The following HHIP variants were observed in gnomAD, a reference collection of about 807,000 sequenced individuals.
HHIP encodes the protein hedgehog interacting protein, also known as hedgehog-interacting protein.
HHIP carries 12 observed loss-of-function variants against 74.0 expected under a neutral mutation model. That is an observed-to-expected ratio of 0.16 (90% CI 0.10 to 0.26). The LOEUF (loss-of-function observed/expected upper bound fraction) is 0.26, where lower values mean the gene tolerates loss of function less well. Ranked by LOEUF, HHIP falls within the 10% of genes least tolerant of loss-of-function variation. HHIP has a pLI of 1.00. For missense variants in HHIP, 788 were observed against 845.0 expected, an observed-to-expected ratio of 0.93 and a Z score of 0.84; for synonymous variants, 309 against 311.6, an observed-to-expected ratio of 0.99 and a Z score of 0.09.
intron 4 of HHIP, among the ~76,000 whole-genome samples, chr4:144,688,374 T>C (rs1407462062): frequency 6.6e-6 from 1 of 152,080 alleles, no homozygotes; most frequent in African/African-American, 2.4e-5. Flanking sequence ...GGTGCTTCTA[T>C]AGAATTAATT....
In HHIP at chr4:144,738,485, T is replaced by C; in HGVS notation, c.*528T>C. 3.1e-6 allele frequency: 3 copies of C among 982,814 alleles called. No individual in the cohort carries two copies. The highest frequency in any genetic ancestry group is 3.6e-6 in the Non-Finnish European group (3 of 827,182). 60.9% of individuals were successfully genotyped at this position (982,814 alleles called of 1,614,324 possible). A position where few individuals can be genotyped will look rare whatever the true frequency, so the allele number is the denominator to read the frequency against. ...TGATATAAAATTGTAATCTTCATTTTTGTCAGTGTATCCAGTTACAGAATG... is the reference window on the plus strand; with the variant it reads ...TGATATAAAATTGTAATCTTCATTTCTGTCAGTGTATCCAGTTACAGAATG... On this transcript the variant is annotated 3_prime_UTR_variant, in exon 13 of 13. Transcript: ENST00000296575.
intron 4 of HHIP, among the ~76,000 whole-genome samples, chr4:144,663,500 T>G (rs1280520840): frequency 6.6e-6 from 1 of 152,184 alleles, no homozygotes; most frequent in Non-Finnish European, 1.5e-5. Context: ...CCAAGTCCTA[T>G]TCCTGACTTA....
At chr4:144,737,346 C>T (rs1417752782) in intron 12 of HHIP, among the ~76,000 whole-genome samples, 1 of 152,146 alleles carries the variant, frequency 6.6e-6, no homozygotes, top group Admixed American at 6.5e-5. Context: ...GTTGCTTGAG[C>T]CTCTGTGTCT....
rs17019665 is a variant in HHIP, at chr4:144,723,907, A to C, written c.1760+4951A>C. Among the ~76,000 whole-genome samples, 1,101 of 152,272 alleles carry C rather than the reference A, an allele frequency of 7.2e-3. 19 individuals carry two copies. The highest frequency in any genetic ancestry group is 0.025 in the African/African-American group (1,056 of 41,556). On this transcript the variant is annotated intron_variant, in intron 11 of 12. Transcript: ENST00000296575. ...ACATTTTTGCTATCATCATTATTCT[A>C]TGTATCCAGTAACCAAAGATGAATA...
chr4:144,680,376 A>G lies in HHIP; in HGVS notation c.831+20538A>G, dbSNP rs1729301167. 2.6e-5 allele frequency among the ~76,000 whole-genome samples: 4 copies of G among 152,182 alleles called. No individual in the cohort carries two copies. The South Asian group carries it at 6.2e-4, about 24-fold the overall frequency. Reference sequence around the variant, plus strand: ...CCCTTGTCATGCTGTTCATTCTGCCATTCATTCAAATGATGGGAAGACATT... The same window carrying G: ...CCCTTGTCATGCTGTTCATTCTGCCGTTCATTCAAATGATGGGAAGACATT... On this transcript the variant is annotated intron_variant, in intron 4 of 12. Transcript: ENST00000296575.
At chr4:144,722,818 C>T (rs1730675462) in intron 11 of HHIP, among the ~76,000 whole-genome samples, 1 of 152,078 alleles carries the variant, frequency 6.6e-6, no homozygotes, top group South Asian at 2.1e-4. Context: ...CACACCACTG[C>T]ACACTGCAGC....
At chr4:144,737,711 G>T in intron 12 of HHIP, 53 bp from the exon 13 acceptor site, 2 of 1,478,050 alleles carry the variant, frequency 1.4e-6, no homozygotes, top group South Asian at 3.0e-5. Flanking sequence ...GCTCAGTCCT[G>T]TTTCTGACAT....
chr4:144,650,520 A>G (rs1728388408), intron 1 of HHIP: 1 of 152,128 alleles, frequency 6.6e-6, no homozygotes, highest in South Asian at 2.1e-4. Context: ...AAAGAGGAAG[A>G]AATTACCCTA....
chr4:144,686,622 T>C (rs1229964185), intron 4 of HHIP, among the ~76,000 whole-genome samples: 1 of 152,222 alleles, frequency 6.6e-6, no homozygotes, highest in Non-Finnish European at 1.5e-5. Flanking sequence ...AATTGCTCTC[T>C]GCTTATCCAA....
intron 4 of HHIP, among the ~76,000 whole-genome samples, chr4:144,702,594 T>C (rs1240929864): frequency 6.6e-6 from 1 of 152,188 alleles, no homozygotes; most frequent in Non-Finnish European, 1.5e-5. Flanking sequence ...CAGAAGTTGA[T>C]GTAGCATTGA....
chr4:144,668,041 G>A (rs1010623351), intron 4 of HHIP, among the ~76,000 whole-genome samples: 1 of 152,104 alleles, frequency 6.6e-6, no homozygotes, highest in African/African-American at 2.4e-5. Context: ...GATCAGGCCA[G>A]GCGCAGTGGC....
At chr4:144,684,239 T>C (rs1201157341) in intron 4 of HHIP, among the ~76,000 whole-genome samples, 2 of 9,316 alleles carry the variant, frequency 2.1e-4, no homozygotes, top group African/African-American at 4.3e-4. Context: ...AGAATTTTTT[T>C]TTTTTTTTTT....
chr4:144,690,727 G>A (rs1729632495), intron 4 of HHIP, among the ~76,000 whole-genome samples: 1 of 152,126 alleles, frequency 6.6e-6, no homozygotes, highest in Admixed American at 6.6e-5. Flanking sequence ...AAAAAGTTTT[G>A]CTTTGTTGTT....
At position 144,738,727 on chromosome 4, in the gene HHIP, T is replaced by C; in HGVS notation, c.*770T>C. ...TTATTTTTATAATATAGACATCACC[T>C]AGATGAAACACCTTTACCCTGTCCT... is the stretch of plus-strand genomic sequence containing the variant. On this transcript the variant is annotated 3_prime_UTR_variant, in exon 13 of 13. Transcript: ENST00000296575. 2.4e-6 allele frequency: 2 copies of C among 838,420 alleles called. No homozygotes were observed. Among genetic ancestry groups the C allele is most frequent in the Non-Finnish European group, 2.9e-6 (2 of 695,664 alleles). The allele number at this position is 838,420 out of a possible 1,614,324, so 51.9% of individuals were successfully genotyped here.
intron 4 of HHIP, among the ~76,000 whole-genome samples, chr4:144,665,161 T>G (rs1166244709): frequency 6.6e-6 from 1 of 152,084 alleles, no homozygotes; most frequent in African/African-American, 2.4e-5. Flanking sequence ...TGTAACCTCC[T>G]GGGTTCAAGA....
chr4:144,684,237 T>C (rs1433888070), intron 4 of HHIP, among the ~76,000 whole-genome samples: 4 of 8,002 alleles, frequency 5.0e-4, no homozygotes, highest in Non-Finnish European at 9.7e-4. Flanking sequence ...AAAGAATTTT[T>C]TTTTTTTTTT....
At position 144,739,958 on chromosome 4, in the gene HHIP, T is replaced by G. The variant is rs1418977622; in HGVS notation, c.*2001T>G. On this transcript the variant is annotated 3_prime_UTR_variant, in exon 13 of 13. Transcript: ENST00000296575. ...TGCTTTCTCTTCATAGCCCTTTTAC[T>G]GAATTCCATCACAGAAAGTTTTACA... 4 of 152,136 alleles carry G rather than the reference T, an allele frequency of 2.6e-5. No homozygotes were observed. The allele number at this position is 152,136 out of a possible 1,614,324, so 9.4% of individuals were successfully genotyped here. A position where few individuals can be genotyped will look rare whatever the true frequency, so the allele number is the denominator to read the frequency against.
At chr4:144,693,536 C>T (rs1011123940) in intron 4 of HHIP, among the ~76,000 whole-genome samples, 1 of 152,020 alleles carries the variant, frequency 6.6e-6, no homozygotes, top group African/African-American at 2.4e-5. Flanking sequence ...AATAAATCCT[C>T]ATGTATTTAA....
intron 1 of HHIP, 91 bp from the exon 2 acceptor site, chr4:144,652,514 T>G: frequency 1.3e-6 from 1 of 777,660 alleles, no homozygotes; most frequent in Non-Finnish European, 2.2e-6. Flanking sequence ...AAATTAGACT[T>G]TTCTACTTAC....
Sources: gnomAD v4.1 joint callset for allele counts (sites outside exome capture counted in the v4.1 genomes callset) on GRCh38, gnomAD v4.1.1 for gene constraint, MANE v1.5 for transcripts, NCBI Gene and HGNC (gene_info 2026-07-23, HGNC 2026-07-21) for gene names.